Variants in WDR7 observed in about 807,000 individuals in gnomAD.
WDR7 encodes the protein WD repeat-containing protein 7.
WDR7 carries 46 observed loss-of-function variants against 169.4 expected under a neutral mutation model. The ratio of observed to expected loss-of-function variants is 0.27; its 90% CI spans 0.21 to 0.35. The LOEUF is 0.35. WDR7 is among the 10% of genes least tolerant of loss of function. WDR7 has a pLI of 1.00. For missense variants in WDR7, 1,534 were observed against 1,859.3 expected, an observed-to-expected ratio of 0.83 and a Z score of 3.22; for synonymous variants, 612 against 666.8, an observed-to-expected ratio of 0.92 and a Z score of 1.27.
intron 1 of WDR7, among the ~76,000 whole-genome samples, chr18:56,666,893 ATTT>A (rs5825197): frequency 7.0e-6 from 1 of 143,740 alleles, no homozygotes; most frequent in Non-Finnish European, 1.5e-5. Flanking sequence ...AAACCAGGCT[ATTT>A]TTTTTTTTTT....
intron 21 of WDR7, among the ~76,000 whole-genome samples, chr18:56,909,330 CT>C (rs1172470540): frequency 1.3e-5 from 2 of 151,978 alleles, no homozygotes; most frequent in African/African-American, 4.8e-5. Flanking sequence ...GTCTGGAGGA[CT>C]TTTAAAAATT....
In WDR7 at chr18:56,854,360, A is replaced by G. The variant is rs936994806; in HGVS notation, c.3305-25584A>G. Among the ~76,000 whole-genome samples the G allele has an allele frequency of 2.6e-5, 4 of 152,374 alleles. No homozygotes were observed. In the East Asian group the frequency reaches 5.8e-4, roughly 22 times the overall value. On this transcript the variant is annotated intron_variant, in intron 20 of 27. Coordinates refer to ENST00000254442, the MANE Select transcript of WDR7 (RefSeq NM_015285.3). ...ACTTGTATCTTCTGGTTTATCATAA[A>G]GGATATTACAAAGGATACACATGAA...
chr18:56,756,294 C>T (rs2043886419), intron 14 of WDR7, among the ~76,000 whole-genome samples: 1 of 152,298 alleles, frequency 6.6e-6, no homozygotes, highest in South Asian at 2.1e-4. Context: ...TTAATCATTA[C>T]TGTGAGTAAA....
chr18:56,988,086 C>T (rs1446025343), intron 26 of WDR7, among the ~76,000 whole-genome samples: 1 of 152,140 alleles, frequency 6.6e-6, no homozygotes, highest in Non-Finnish European at 1.5e-5. Flanking sequence ...GTTCATCACG[C>T]CTCCTTCAGC....
chr18:56,832,554 C>T (rs185626632), intron 20 of WDR7, among the ~76,000 whole-genome samples: 7 of 152,304 alleles, frequency 4.6e-5, no homozygotes, highest in African/African-American at 1.4e-4. Flanking sequence ...GGAGATACCT[C>T]CCAGCAGGGG....
intron 12 of WDR7, among the ~76,000 whole-genome samples, chr18:56,702,780 A>T (rs577665062): frequency 6.6e-6 from 1 of 152,326 alleles, no homozygotes; most frequent in Admixed American, 6.5e-5. Context: ...TTTACTTTTG[A>T]GAGTGAGAGG....
At chr18:56,754,291 G>A (rs1011121613) in intron 14 of WDR7, among the ~76,000 whole-genome samples, 16 of 144,456 alleles carry the variant, frequency 1.1e-4, no homozygotes, top group South Asian at 4.6e-4. Context: ...GTGTGTATAT[G>A]TGTGTGTGTG....
intron 12 of WDR7, among the ~76,000 whole-genome samples, chr18:56,708,289 C>T (rs1440728037): frequency 1.3e-5 from 2 of 152,070 alleles, no homozygotes; most frequent in African/African-American, 4.8e-5. Context: ...CCACATCGGC[C>T]TCCCAAAGTG....
In WDR7 at chr18:56,686,857, T is replaced by A; in HGVS notation, c.600T>A (p.Asp200Glu). 6.3e-7 allele frequency: 1 copy of A among 1,593,972 alleles called. No individual in the cohort carries two copies. The highest frequency in any genetic ancestry group is 8.6e-7 in the Non-Finnish European group (1 of 1,162,878). The change falls in exon 7 of 28, where the codon GAT (aspartate) becomes GAA (glutamate). Residue 200 changes from aspartate to glutamate, a missense_variant and splice_region_variant. Physicochemically the swap from Asp to Glu is conservative, Grantham distance 45. Coordinates refer to ENST00000254442, the MANE Select transcript of WDR7 (RefSeq NM_015285.3). ...IVTSEISDMQDTEPIFEEESK... is the reference protein window; with the variant it reads ...IVTSEISDMQETEPIFEEESK... Reference sequence around the variant, plus strand: ...TTTTTACAAATCTTTCTTTTCAGGATACTGAGCCAATATTTGAGGAGGAAT... The same window carrying A: ...TTTTTACAAATCTTTCTTTTCAGGAAACTGAGCCAATATTTGAGGAGGAAT...
At chr18:57,018,581 G>T (rs977616604) in intron 26 of WDR7, among the ~76,000 whole-genome samples, 21 of 152,324 alleles carry the variant, frequency 1.4e-4, no homozygotes, top group South Asian at 6.2e-4. Context: ...AGTTTTTCAG[G>T]AGAGGCTGGA....
intron 14 of WDR7, among the ~76,000 whole-genome samples, chr18:56,753,783 G>A (rs2043830303): frequency 6.6e-6 from 1 of 152,060 alleles, no homozygotes; most frequent in South Asian, 2.1e-4. Flanking sequence ...GTATTTATAT[G>A]TGAGGGGCCA....
At chr18:56,889,619 G>T (rs2046238966) in intron 21 of WDR7, among the ~76,000 whole-genome samples, 1 of 152,136 alleles carries the variant, frequency 6.6e-6, no homozygotes, top group Non-Finnish European at 1.5e-5. Flanking sequence ...TTTTTAAAAA[G>T]ATTACACTGC....
intron 26 of WDR7, among the ~76,000 whole-genome samples, chr18:56,966,159 G>T (rs890129271): frequency 3.3e-5 from 5 of 152,134 alleles, no homozygotes; most frequent in Non-Finnish European, 7.4e-5. Context: ...GACAATTGAG[G>T]ATTTATAACC....
chr18:56,663,188 T>C (rs1162598991), intron 1 of WDR7, among the ~76,000 whole-genome samples: 4 of 152,206 alleles, frequency 2.6e-5, no homozygotes, highest in Admixed American at 2.6e-4. Flanking sequence ...CTTTATCACC[T>C]TCTCACAGGC....
intron 14 of WDR7, among the ~76,000 whole-genome samples, chr18:56,739,338 T>C (rs553919528): frequency 6.6e-6 from 1 of 152,318 alleles, no homozygotes; most frequent in African/African-American, 2.4e-5. Context: ...TATTACAGTC[T>C]AAAACAAATT....
intron 5 of WDR7, among the ~76,000 whole-genome samples, chr18:56,683,524 C>T (rs189135269): frequency 0.015 from 2,274 of 152,150 alleles, 20 homozygotes; most frequent in Non-Finnish European, 0.025. Context: ...AGTAAATAAC[C>T]ACCACCACTA....
At chr18:56,900,742 T>G (rs1392874146) in intron 21 of WDR7, among the ~76,000 whole-genome samples, 2 of 152,098 alleles carry the variant, frequency 1.3e-5, no homozygotes, top group Non-Finnish European at 2.9e-5. Flanking sequence ...AATCTGGAAG[T>G]TTCTTCAGGG....
chr18:56,912,246 A>T (rs1330183964), intron 21 of WDR7, among the ~76,000 whole-genome samples: 3 of 152,236 alleles, frequency 2.0e-5, no homozygotes, highest in African/African-American at 7.2e-5. Context: ...TGATAGAAGC[A>T]ATGGATAGAA....
chr18:56,924,612 A>G (rs1012849237), intron 22 of WDR7, among the ~76,000 whole-genome samples: 2 of 152,186 alleles, frequency 1.3e-5, no homozygotes, highest in African/African-American at 2.4e-5. Flanking sequence ...TACAAGAGGA[A>G]GATGAACTGA....
Sources: allele counts gnomAD v4.1 joint callset (sites outside exome capture counted in the v4.1 genomes callset), GRCh38; gene constraint gnomAD v4.1.1; transcripts MANE v1.5; gene names NCBI Gene and HGNC (gene_info 2026-07-23, HGNC 2026-07-21).